OSBP2: variants seen among roughly 807,000 people sequenced by gnomAD.
The protein encoded by OSBP2 is oxysterol binding protein 2, also known as oxysterol-binding protein 2.
A neutral mutation model predicts 96.0 loss-of-function variants in OSBP2; 66 were observed. That is an observed-to-expected ratio of 0.69 (90% CI 0.56 to 0.84). The LOEUF (loss-of-function observed/expected upper bound fraction) is 0.84, where lower values mean the gene tolerates loss of function less well. Among genes scored for constraint, OSBP2 ranks in the 40% least tolerant of loss-of-function variants. The pLI, the probability that OSBP2 is intolerant of heterozygous loss-of-function variation, is 0.00. For synonymous variants in OSBP2, 525 were observed against 520.9 expected (o/e 1.01, Z -0.11); for missense variants, 1,038 against 1,222.7 (o/e 0.85, Z 2.25).
intron 2 of OSBP2, among the ~76,000 whole-genome samples, chr22:30,858,638 G>A (rs2039136816): frequency 6.6e-6 from 1 of 151,410 alleles, no homozygotes; most frequent in Non-Finnish European, 1.5e-5. Context: ...CAGTACTTTG[G>A]GAGGCTGAGG....
intron 2 of OSBP2, among the ~76,000 whole-genome samples, chr22:30,855,095 A>G (rs896110737): frequency 2.0e-5 from 3 of 152,236 alleles, no homozygotes; most frequent in African/African-American, 7.2e-5. Flanking sequence ...GATTATGGGA[A>G]CTACAATTCA....
intron 2 of OSBP2, among the ~76,000 whole-genome samples, chr22:30,747,399 T>G (rs2090017015): frequency 6.6e-6 from 1 of 152,168 alleles, no homozygotes; most frequent in Non-Finnish European, 1.5e-5. Flanking sequence ...GAGGATTGCT[T>G]GAGCCCATAA....
intron 2 of OSBP2, among the ~76,000 whole-genome samples, chr22:30,825,258 T>C (rs1474731225): frequency 6.6e-6 from 1 of 152,030 alleles, no homozygotes; most frequent in Non-Finnish European, 1.5e-5. Context: ...GAAGCTGAGG[T>C]GGGAAGATCA....
intron 1 of OSBP2, among the ~76,000 whole-genome samples, chr22:30,725,235 T>C (rs1180752109): frequency 1.3e-5 from 2 of 149,522 alleles, no homozygotes; most frequent in African/African-American, 4.9e-5. Flanking sequence ...CTGGGTGCAG[T>C]GGCTCAGGCC....
chr22:30,783,765 G>C (rs5753316), intron 2 of OSBP2, among the ~76,000 whole-genome samples: 1 of 152,212 alleles, frequency 6.6e-6, no homozygotes, highest in Non-Finnish European at 1.5e-5. Context: ...CTTAGAAATA[G>C]AAAAACCATG....
At chr22:30,698,650 G>C (rs1163918310) in intron 1 of OSBP2, among the ~76,000 whole-genome samples, 1 of 151,974 alleles carries the variant, frequency 6.6e-6, no homozygotes, top group East Asian at 1.9e-4. Context: ...ATATTGGCCG[G>C]GATGGTCTCA....
intron 2 of OSBP2, among the ~76,000 whole-genome samples, chr22:30,845,786 G>T (rs2038856222): frequency 6.7e-6 from 1 of 150,048 alleles, no homozygotes; most frequent in South Asian, 2.1e-4. Context: ...GGAGGCTGAG[G>T]CAGAAGAATT....
intron 12 of OSBP2, among the ~76,000 whole-genome samples, chr22:30,900,814 G>A (rs185513361): frequency 1.4e-3 from 206 of 152,260 alleles, no homozygotes; most frequent in Middle Eastern, 6.8e-3. Context: ...GACTTAATAA[G>A]TTGAAAAGGA....
Position 30,841,267 on chromosome 22 carries a change from A to T in OSBP2, c.854-29162A>T, listed in dbSNP as rs574353398. Among the ~76,000 whole-genome samples, 105 of 152,330 alleles carry T rather than the reference A, an allele frequency of 6.9e-4. 1 individual carries two copies. The highest frequency in any genetic ancestry group is 2.4e-3 in the African/African-American group (101 of 41,576). On this transcript the variant is annotated intron_variant, in intron 2 of 13. Transcript: ENST00000332585. ...AAACCATCGTTACACTCAATTTTAG[A>T]ACATTTTTATCCCTCCTGAAATAAA...
rs780925178 is a variant in OSBP2, at chr22:30,741,153, T to C, written c.645-8T>C. ...GCCTCACCCCATTCCTTCTCTTACATCCTACAGAAATCAGGGTGAAATGGC... is the reference window on the plus strand; with the variant it reads ...GCCTCACCCCATTCCTTCTCTTACACCCTACAGAAATCAGGGTGAAATGGC... On this transcript the variant is annotated splice_polypyrimidine_tract_variant and splice_region_variant and intron_variant, in intron 1 of 13. Transcript: ENST00000332585. 34 of 1,611,666 alleles carry C rather than the reference T, an allele frequency of 2.1e-5. No individual in the cohort carries two copies. Among genetic ancestry groups the C allele is most frequent in the Admixed American group, 3.3e-5 (2 of 59,978 alleles).
intron 2 of OSBP2, among the ~76,000 whole-genome samples, chr22:30,782,415 T>C (rs2090530033): frequency 6.6e-6 from 1 of 152,154 alleles, no homozygotes; most frequent in African/African-American, 2.4e-5. Flanking sequence ...TGGTCTCGAA[T>C]TCCTGACCTT....
intron 2 of OSBP2, among the ~76,000 whole-genome samples, chr22:30,839,198 A>T (rs902895628): frequency 4.9e-5 from 7 of 143,310 alleles, no homozygotes; most frequent in East Asian, 4.1e-4. Context: ...TTATGGCTGC[A>T]TAGTATTCCA....
intron 12 of OSBP2, among the ~76,000 whole-genome samples, chr22:30,895,797 G>T (rs2040050819): frequency 6.6e-6 from 1 of 151,814 alleles, no homozygotes; most frequent in African/African-American, 2.4e-5. Flanking sequence ...AATTAGCCAG[G>T]CATGGTGGCA....
Position 30,881,844 on chromosome 22 carries a change from A to G in OSBP2, c.1108-5582A>G, listed in dbSNP as rs143007043. 9.2e-4 allele frequency: 1,196 copies of G among 1,300,938 alleles called. 7 individuals are homozygous for G. The Middle Eastern group carries it at 0.014, about 16-fold the overall frequency. The allele number at this position is 1,300,938 out of a possible 1,614,324, so 80.6% of individuals were successfully genotyped here. A position where few individuals can be genotyped will look rare whatever the true frequency, so the allele number is the denominator to read the frequency against. ...TGGGGGAGGTGGACGGGCTCTCTGC[A>G]TCCATGGGGTGACCAGGCAGCTCAT... On this transcript the variant is annotated intron_variant, in intron 3 of 13. Coordinates refer to ENST00000332585, the MANE Select transcript of OSBP2 (RefSeq NM_030758.4). This position sits in a 1 kb window ranked among gnomAD's most constrained non-coding sequence, Gnocchi z 4.5.
chr22:30,769,219 C>T (rs1302726821), intron 2 of OSBP2, among the ~76,000 whole-genome samples: 2 of 152,294 alleles, frequency 1.3e-5, no homozygotes, highest in East Asian at 3.9e-4. Context: ...GGGATTCTGG[C>T]GTTGCTGTTG....
intron 1 of OSBP2, among the ~76,000 whole-genome samples, chr22:30,700,963 C>T (rs562184292): frequency 4.6e-5 from 7 of 151,836 alleles, no homozygotes; most frequent in South Asian, 2.1e-4. Flanking sequence ...GGCGTGGTGA[C>T]GCATGCCTAT....
Position 30,718,526 on chromosome 22 carries a change from C to T in OSBP2, c.645-22635C>T, listed in dbSNP as rs375295016. 1.2e-4 allele frequency among the ~76,000 whole-genome samples: 19 copies of T among 152,274 alleles called. No individual in the cohort carries two copies. The East Asian group carries it at 1.7e-3, about 14-fold the overall frequency. On this transcript the variant is annotated intron_variant, in intron 1 of 13. Coordinates refer to ENST00000332585, the MANE Select transcript of OSBP2 (RefSeq NM_030758.4). ...ACTGGGCTTGGCACATCAAAGGACTCGGGAAATGTCTGTTGACTTAATGGC... is the reference window on the plus strand; with the variant it reads ...ACTGGGCTTGGCACATCAAAGGACTTGGGAAATGTCTGTTGACTTAATGGC...
At chr22:30,696,745 C>G (rs1422738087) in intron 1 of OSBP2, among the ~76,000 whole-genome samples, 3 of 152,150 alleles carry the variant, frequency 2.0e-5, no homozygotes, top group South Asian at 2.1e-4. Context: ...CCTCCGCCCC[C>G]CAGGTTCAAG....
chr22:30,875,373 G>GT (rs540198909), intron 3 of OSBP2, among the ~76,000 whole-genome samples: 232 of 145,454 alleles, frequency 1.6e-3, no homozygotes, highest in Middle Eastern at 7.2e-3. Context: ...GTTCTTTGTT[G>GT]TTTTTTTTTT....
Sources: allele counts gnomAD v4.1 joint callset (sites outside exome capture counted in the v4.1 genomes callset), GRCh38; gene constraint gnomAD v4.1.1; non-coding constraint Gnocchi (gnomAD v3.1); transcripts MANE v1.5; gene names NCBI Gene and HGNC (gene_info 2026-07-23, HGNC 2026-07-21).